Variants in SLC22A9 observed in about 807,000 individuals in gnomAD.
SLC22A9 encodes organic anion transporter 7.
SLC22A9 carries 64 observed loss-of-function variants against 50.1 expected under a neutral mutation model. The observed-to-expected ratio is 1.28, with a 90% CI of 1.04 to 1.57. The LOEUF is 1.57. Among genes scored for constraint, SLC22A9 ranks in the 40% most tolerant of loss-of-function variants. The pLI, the probability that SLC22A9 is intolerant of heterozygous loss-of-function variation, is 0.00. For synonymous variants in SLC22A9, 261 were observed against 242.5 expected, an observed-to-expected ratio of 1.08 and a Z score of -0.71; for missense variants, 757 against 676.1, an observed-to-expected ratio of 1.12 and a Z score of -1.33.
chr11:63,409,511 C>G (rs762148307), intron 9 of SLC22A9, among the ~76,000 whole-genome samples: 4 of 151,930 alleles, frequency 2.6e-5, no homozygotes, highest in Non-Finnish European at 4.4e-5. Context: ...GGGCCACATT[C>G]AAAGCCATCC....
At chr11:63,400,189 A>C (rs993389967) in intron 6 of SLC22A9, among the ~76,000 whole-genome samples, 7 of 152,106 alleles carry the variant, frequency 4.6e-5, no homozygotes, top group African/African-American at 1.7e-4. Flanking sequence ...CAGAGCAAGA[A>C]ATAAACGAAA....
Position 63,401,652 on chromosome 11 carries a change from A to G in SLC22A9, c.1074-4845A>G, listed in dbSNP as rs550595167. Among the ~76,000 whole-genome samples, 3 of 152,180 alleles carry G rather than the reference A, an allele frequency of 2.0e-5. No homozygotes were observed. The East Asian group carries it at 5.8e-4, about 29-fold the overall frequency. ...TAAAAGTTACACAAAATCAAAAAAG[A>G]CCCATAAAGCGAAAGAAATCCTAAG... On this transcript the variant is annotated intron_variant, in intron 6 of 9. Coordinates refer to ENST00000279178, the MANE Select transcript of SLC22A9 (RefSeq NM_080866.3).
chr11:63,385,106 G>GTTTTTT lies in SLC22A9; in HGVS notation c.1073+2845_1073+2850dup, dbSNP rs149124193. Among the ~76,000 whole-genome samples, 306 of 76,474 alleles carry GTTTTTT rather than the reference G, an allele frequency of 4.0e-3. 4 individuals carry two copies. Among genetic ancestry groups the GTTTTTT allele is most frequent in the Non-Finnish European group, 5.1e-3 (212 of 41,944 alleles). 50.2% of individuals were successfully genotyped at this position (76,474 alleles called of 152,430 possible). On this transcript the variant is annotated intron_variant, in intron 6 of 9. Transcript: ENST00000279178. ...CTTGCCTGTTCACTCTGATGATACAGTTTTTTTTTTTTTTTTTTTTTGCTG... is the reference window on the plus strand; with the variant it reads ...CTTGCCTGTTCACTCTGATGATACAGTTTTTTTTTTTTTTTTTTTTTTTTTTTGCTG...
chr11:63,386,830 G>A (rs575896872), intron 6 of SLC22A9, among the ~76,000 whole-genome samples: 1 of 150,852 alleles, frequency 6.6e-6, no homozygotes, highest in African/African-American at 2.4e-5. Context: ...TGATGATTTT[G>A]TTTTTTTGTT....
At chr11:63,371,019 C>T (rs1386460351) in intron 1 of SLC22A9, 116 bp from the exon 2 acceptor site, 7 of 674,190 alleles carry the variant, frequency 1.0e-5, no homozygotes, top group Non-Finnish European at 1.8e-5. Context: ...AGAAAGGAAG[C>T]CACAGAGGAA....
intron 5 of SLC22A9, among the ~76,000 whole-genome samples, chr11:63,380,820 A>G (rs1418458502): frequency 6.6e-6 from 1 of 152,172 alleles, no homozygotes; most frequent in Non-Finnish European, 1.5e-5. Flanking sequence ...CAATTTATCC[A>G]TGTAACAAAC....
At chr11:63,374,515 A>C (rs1178647860) in intron 4 of SLC22A9, among the ~76,000 whole-genome samples, 2 of 152,190 alleles carry the variant, frequency 1.3e-5, no homozygotes, top group Non-Finnish European at 2.9e-5. Flanking sequence ...ATAGAAATTC[A>C]AATGCATCCA....
chr11:63,390,971 C>G (rs879582526), intron 6 of SLC22A9, among the ~76,000 whole-genome samples: 8 of 151,878 alleles, frequency 5.3e-5, no homozygotes, highest in South Asian at 2.1e-4. Context: ...AAAAATATAC[C>G]TCTTAGTACT....
At chr11:63,398,301 G>T (rs1448590835) in intron 6 of SLC22A9, among the ~76,000 whole-genome samples, 1 of 152,106 alleles carries the variant, frequency 6.6e-6, no homozygotes, top group Non-Finnish European at 1.5e-5. Context: ...GTCAAAGGGA[G>T]AATTCTCTCC....
chr11:63,394,790 G>A (rs181512477), intron 6 of SLC22A9, among the ~76,000 whole-genome samples: 203 of 152,214 alleles, frequency 1.3e-3, no homozygotes, highest in African/African-American at 4.7e-3. Flanking sequence ...GGCTGGGGAA[G>A]TTTTCCTCAA....
intron 2 of SLC22A9, among the ~76,000 whole-genome samples, chr11:63,372,168 G>T (rs976979016): frequency 6.6e-6 from 1 of 152,108 alleles, no homozygotes; most frequent in Non-Finnish European, 1.5e-5. Context: ...TGACAGTGGA[G>T]AATCAGCTAA....
At chr11:63,385,602 G>T (rs576481250) in intron 6 of SLC22A9, among the ~76,000 whole-genome samples, 1 of 152,024 alleles carries the variant, frequency 6.6e-6, no homozygotes, top group South Asian at 2.1e-4. Context: ...CTTGTCTGTT[G>T]TTGGTGTATA....
chr11:63,390,104 A>C (rs2014738010), intron 6 of SLC22A9, among the ~76,000 whole-genome samples: 1 of 151,738 alleles, frequency 6.6e-6, no homozygotes, highest in African/African-American at 2.4e-5. Context: ...GCTTGCAAAA[A>C]TTTTCTCCCA....
intron 6 of SLC22A9, among the ~76,000 whole-genome samples, chr11:63,401,094 A>C (rs1009831381): frequency 1.3e-5 from 2 of 152,116 alleles, no homozygotes; most frequent in African/African-American, 4.8e-5. Flanking sequence ...ATCATGTAGA[A>C]GACAAGTATG....
chr11:63,396,571 GGCTT>G, intron 6 of SLC22A9, among the ~76,000 whole-genome samples: 1 of 152,066 alleles, frequency 6.6e-6, no homozygotes, highest in Non-Finnish European at 1.5e-5. Context: ...AGGAGCAGTC[GGCTT>G]CCTCCAAAGG....
At chr11:63,390,366 A>AG (rs1178297588) in intron 6 of SLC22A9, among the ~76,000 whole-genome samples, 3 of 152,142 alleles carry the variant, frequency 2.0e-5, no homozygotes, top group Non-Finnish European at 4.4e-5. Context: ...GGTGTAAGGA[A>AG]GGGGTTCAGT....
intron 2 of SLC22A9, among the ~76,000 whole-genome samples, chr11:63,372,922 G>A (rs1271627575): frequency 6.6e-6 from 1 of 151,964 alleles, no homozygotes; most frequent in Non-Finnish European, 1.5e-5. Flanking sequence ...TCTGCAAGGT[G>A]GAATAGTTCA....
At chr11:63,382,055 A>G (rs2119905302) in intron 5 of SLC22A9, 104 bp from the exon 6 acceptor site, 1 of 707,880 alleles carries the variant, frequency 1.4e-6, no homozygotes, top group East Asian at 2.6e-5. Context: ...CACCAGACAG[A>G]AAGTGCAGTC....
Position 63,370,046 on chromosome 11 carries a change from G to A in SLC22A9, c.-11G>A, listed in dbSNP as rs775604654. On this transcript the variant is annotated 5_prime_UTR_variant, in exon 1 of 10. Transcript: ENST00000279178. ...TTTTGCCTCTACTTGAGGATCAACT[G>A]TTCAACCTCAATGGCCTTTCAGGAC... 1.2e-5 allele frequency: 20 copies of A among 1,604,408 alleles called. No individual in the cohort carries two copies. The African/African-American group carries it at 1.3e-4, about 11-fold the overall frequency.
Sources: allele counts gnomAD v4.1 joint callset (sites outside exome capture counted in the v4.1 genomes callset), GRCh38; gene constraint gnomAD v4.1.1; transcripts MANE v1.5; gene names NCBI Gene and HGNC (gene_info 2026-07-23, HGNC 2026-07-21).